Variants in KCNH7 observed in about 807,000 individuals in gnomAD.
KCNH7 encodes potassium voltage-gated channel subfamily H member 7, also known as voltage-gated inwardly rectifying potassium channel KCNH7.
Under a neutral mutation model 120.8 loss-of-function variants are expected in KCNH7, and 49 were observed. The ratio of observed to expected loss-of-function variants is 0.41; its 90% confidence interval spans 0.32 to 0.51. The LOEUF is 0.51. Ranked by LOEUF, KCNH7 falls within the 20% of genes least tolerant of loss-of-function variation. KCNH7 has a pLI of 0.38. For synonymous variants in KCNH7, 547 were observed against 516.1 expected, an observed-to-expected ratio of 1.06 and a Z score of -0.81; for missense variants, 1,097 against 1,446.6, an observed-to-expected ratio of 0.76 and a Z score of 3.92.
chr2:162,734,847 T>C (rs1687844599), intron 2 of KCNH7, among the ~76,000 whole-genome samples: 2 of 152,076 alleles, frequency 1.3e-5, no homozygotes, highest in African/African-American at 4.8e-5. Flanking sequence ...TTTTAACATA[T>C]GAAAATAGGG....
chr2:162,602,200 A>G (rs1292288910), intron 2 of KCNH7, among the ~76,000 whole-genome samples: 2 of 152,116 alleles, frequency 1.3e-5, no homozygotes, highest in African/African-American at 4.8e-5. Flanking sequence ...GGGCCTAGAA[A>G]GAAATTTGCA....
chr2:162,485,529 C>A (rs1169490403), intron 6 of KCNH7, among the ~76,000 whole-genome samples: 2 of 152,068 alleles, frequency 1.3e-5, no homozygotes, highest in African/African-American at 4.8e-5. Context: ...AAAGGAAACT[C>A]TACACGTCAG....
intron 2 of KCNH7, chr2:162,795,315 G>T (rs1684103082): frequency 6.6e-6 from 1 of 152,040 alleles, no homozygotes. Flanking sequence ...AAAGGGGAGA[G>T]AAAATGGTAT....
At chr2:162,417,887 T>C (rs1189653398) in intron 9 of KCNH7, among the ~76,000 whole-genome samples, 1 of 152,190 alleles carries the variant, frequency 6.6e-6, no homozygotes, top group Non-Finnish European at 1.5e-5. Flanking sequence ...TGGTGTTTTC[T>C]TGTTCTTTGT....
intron 2 of KCNH7, among the ~76,000 whole-genome samples, chr2:162,591,777 AT>A (rs1305771138): frequency 1.3e-5 from 2 of 152,010 alleles, no homozygotes; most frequent in Admixed American, 6.6e-5. Flanking sequence ...GTAGCAAATA[AT>A]TTTTTTCTGT....
At chr2:162,619,069 C>A (rs972989171) in intron 2 of KCNH7, among the ~76,000 whole-genome samples, 1 of 152,112 alleles carries the variant, frequency 6.6e-6, no homozygotes, top group Non-Finnish European at 1.5e-5. Context: ...TTCCACTGAA[C>A]GTTCAACTCA....
At chr2:162,567,935 TA>T (rs1388536858) in intron 2 of KCNH7, among the ~76,000 whole-genome samples, 1 of 152,016 alleles carries the variant, frequency 6.6e-6, no homozygotes, top group Non-Finnish European at 1.5e-5. Flanking sequence ...GTTTTACAAT[TA>T]CATACAGTAT....
At chr2:162,726,886 C>G (rs1687545944) in intron 2 of KCNH7, among the ~76,000 whole-genome samples, 1 of 152,060 alleles carries the variant, frequency 6.6e-6, no homozygotes, top group Admixed American at 6.5e-5. Flanking sequence ...CCTGAGTGGT[C>G]AGCTATTTTC....
At chr2:162,594,831 G>C (rs1694324334) in intron 2 of KCNH7, among the ~76,000 whole-genome samples, 1 of 152,000 alleles carries the variant, frequency 6.6e-6, no homozygotes, top group African/African-American at 2.4e-5. Context: ...AGAAACTTGA[G>C]TATCTGTGGA....
intron 2 of KCNH7, among the ~76,000 whole-genome samples, chr2:162,673,520 G>A (rs1386597076): frequency 1.3e-5 from 2 of 152,020 alleles, no homozygotes; most frequent in Non-Finnish European, 2.9e-5. Context: ...TACTTTGGCT[G>A]ATAGAATGTG....
intron 6 of KCNH7, 120 bp downstream of exon 6, chr2:162,504,323 G>C: frequency 1.4e-6 from 1 of 693,248 alleles, no homozygotes; most frequent in Admixed American, 2.5e-5. Flanking sequence ...AGATAAATAG[G>C]AGTACAAAGA....
At chr2:162,665,653 T>C (rs1335492272) in intron 2 of KCNH7, among the ~76,000 whole-genome samples, 2 of 152,150 alleles carry the variant, frequency 1.3e-5, no homozygotes, top group Non-Finnish European at 2.9e-5. Context: ...CCTGCTATCT[T>C]GTATAAGCAA....
chr2:162,438,124 A>AT (rs1688307868), intron 7 of KCNH7, among the ~76,000 whole-genome samples: 1 of 152,218 alleles, frequency 6.6e-6, no homozygotes, highest in African/African-American at 2.4e-5. Context: ...ATGAAGTATA[A>AT]TAAAAATTCT....
At chr2:162,654,209 C>A (rs1176329089) in intron 2 of KCNH7, among the ~76,000 whole-genome samples, 1 of 151,148 alleles carries the variant, frequency 6.6e-6, no homozygotes, top group Non-Finnish European at 1.5e-5. Flanking sequence ...GTGAAGAGAC[C>A]TATGGAATAG....
chr2:162,629,500 G>T (rs1683685626), intron 2 of KCNH7, among the ~76,000 whole-genome samples: 1 of 152,140 alleles, frequency 6.6e-6, no homozygotes. Flanking sequence ...GGACAAACTG[G>T]CTCAGCTTGC....
At chr2:162,502,453 C>A (rs1479164692) in intron 6 of KCNH7, among the ~76,000 whole-genome samples, 1 of 152,010 alleles carries the variant, frequency 6.6e-6, no homozygotes, top group Non-Finnish European at 1.5e-5. Flanking sequence ...GTTTCCCAGT[C>A]CTGAAATTTG....
intron 14 of KCNH7, 54 bp from the exon 15 acceptor site, chr2:162,373,716 G>C: frequency 7.8e-7 from 1 of 1,286,192 alleles, no homozygotes; most frequent in East Asian, 2.8e-5. Context: ...CAGAATTTCA[G>C]GAGCATTTAA....
intron 7 of KCNH7, among the ~76,000 whole-genome samples, chr2:162,440,134 TA>T (rs1183942274): frequency 3.3e-5 from 5 of 151,768 alleles, no homozygotes; most frequent in Non-Finnish European, 5.9e-5. Flanking sequence ...AATTGTACCT[TA>T]TTTTTTAGTA....
chr2:162,561,047 A>G lies in KCNH7; in HGVS notation c.308-23967T>C, dbSNP rs574617099. On this transcript the variant is annotated intron_variant, in intron 2 of 15. Coordinates refer to ENST00000332142, the MANE Select transcript of KCNH7 (RefSeq NM_033272.4). ...TTCATATTGAAAATACAGAAATGAA[A>G]TAACCTTTTTTTTTTTTTACTATCT... Among the ~76,000 whole-genome samples, 387 of 100,126 alleles carry G rather than the reference A, an allele frequency of 3.9e-3. 3 individuals are homozygous for G. Among genetic ancestry groups the G allele is most frequent in the South Asian group, 0.033 (98 of 2,944 alleles). 65.7% of individuals were successfully genotyped at this position (100,126 alleles called of 152,430 possible).
Sources: gnomAD v4.1 joint callset for allele counts (sites outside exome capture counted in the v4.1 genomes callset) on GRCh38, gnomAD v4.1.1 for gene constraint, MANE v1.5 for transcripts, NCBI Gene and HGNC (gene_info 2026-07-23, HGNC 2026-07-21) for gene names.